PLXNB2: variants seen among roughly 807,000 people sequenced by gnomAD.
PLXNB2 encodes plexin-B2.
A neutral mutation model predicts 202.6 loss-of-function variants in PLXNB2; 85 were observed. The ratio of observed to expected loss-of-function variants is 0.42; its 90% confidence interval spans 0.35 to 0.50. The LOEUF (loss-of-function observed/expected upper bound fraction) is 0.50, where lower values mean the gene tolerates loss of function less well. PLXNB2 is among the 20% of genes least tolerant of loss of function. The probability of loss-of-function intolerance (pLI) is 0.02; values close to 1 mark genes in which losing one functional copy is unlikely to be tolerated. For missense variants in PLXNB2, 2,063 were observed against 2,586.2 expected, an observed-to-expected ratio of 0.80 and a Z score of 4.39; for synonymous variants, 1,239 against 1,137.6, an observed-to-expected ratio of 1.09 and a Z score of -1.79.
chr22:50,300,992 C>A (rs1190624304), intron 1 of PLXNB2, among the ~76,000 whole-genome samples: 1 of 152,222 alleles, frequency 6.6e-6, no homozygotes. Flanking sequence ...GCCCCAGCCC[C>A]CTCTCCGCCT....
chr22:50,277,084 A>T (rs1452434027), intron 33 of PLXNB2, among the ~76,000 whole-genome samples, 178 bp from the exon 34 acceptor site: 10 of 152,162 alleles, frequency 6.6e-5, no homozygotes, highest in Non-Finnish European at 1.2e-4. Context: ...AGGCAGGCAG[A>T]TCACCTGAGG....
chr22:50,277,206 C>T (rs543720551), intron 33 of PLXNB2, among the ~76,000 whole-genome samples: 3 of 151,352 alleles, frequency 2.0e-5, no homozygotes, highest in East Asian at 3.9e-4. Context: ...GAGGCAGCGG[C>T]GGGAAAATCG....
chr22:50,303,196 T>C (rs534569514), intron 1 of PLXNB2, among the ~76,000 whole-genome samples: 1 of 152,180 alleles, frequency 6.6e-6, no homozygotes, highest in South Asian at 2.1e-4. Flanking sequence ...AGACCCCAGC[T>C]GAGGACAGAG....
chr22:50,301,722 G>A (rs2067701618), intron 1 of PLXNB2, among the ~76,000 whole-genome samples: 1 of 152,224 alleles, frequency 6.6e-6, no homozygotes. Context: ...CCCCGGGGTG[G>A]GCGTTGGGGG....
intron 33 of PLXNB2, 82 bp downstream of exon 33, chr22:50,277,509 C>G: frequency 7.3e-7 from 1 of 1,364,894 alleles, no homozygotes; most frequent in Middle Eastern, 2.1e-4. Flanking sequence ...ATCCACACCC[C>G]AGACAAGGTC....
rs1274520275 is a variant in PLXNB2 at position 50,284,209 on chromosome 22, G to A, written c.2186C>T (p.Ser729Phe). 6.2e-7 allele frequency: 1 copy of A among 1,612,678 alleles called. No homozygotes were observed. Among genetic ancestry groups the A allele is most frequent in the East Asian group, 2.2e-5 (1 of 44,874 alleles). ...GTFAFRTPKL[S>F]HDANETLPLH... is the part of the protein sequence containing the mutation. The stretch of plus-strand genomic sequence containing the variant: ...GGGCAGCGTCTCGTTGGCATCGTGG[G>A]ACAGCTGGGGGACACGCAGGGGCAC... Residue 729 changes from serine (S) to phenylalanine (F), a missense_variant, in exon 13 of 37, where the codon TCC becomes TTC. Physicochemically the swap from Ser to Phe is radical, Grantham distance 155. Around this residue, in one of 2 missense-constraint regions of PLXNB2, gnomAD observed 1,303 missense variants for 1,476.8 expected, o/e 0.88. Coordinates refer to ENST00000359337, the MANE Select transcript of PLXNB2 (RefSeq NM_012401.4). The surrounding 1 kb of genome is among the most constrained non-coding windows in gnomAD (Gnocchi z 8.0).
At position 50,286,052 on chromosome 22, in the gene PLXNB2, G is replaced by GC; in HGVS notation, c.1923dup (p.Arg642AlafsTer13). 1.2e-6 allele frequency: 2 copies of GC among 1,612,346 alleles called. No individual in the cohort carries two copies. The highest frequency in any genetic ancestry group is 1.7e-6 in the Non-Finnish European group (2 of 1,179,966). On this transcript the variant is annotated frameshift_variant, in exon 10 of 37. Coordinates refer to ENST00000359337, the MANE Select transcript of PLXNB2 (RefSeq NM_012401.4). LOFTEE classifies it high-confidence loss of function. ...GAAGCCTCCCGGCACTCGTGGTAGCGCAGGTCCCACTGGCAGGTCCAGCGG... is the reference window on the plus strand; with the variant it reads ...GAAGCCTCCCGGCACTCGTGGTAGCGCCAGGTCCCACTGGCAGGTCCAGCGG...
Position 50,278,969 on chromosome 22 carries a change from G to A in PLXNB2, c.4432C>T (p.Pro1478Ser). 1 of 1,613,574 alleles carries A rather than the reference G, an allele frequency of 6.2e-7. No homozygotes were observed. Among genetic ancestry groups the A allele is most frequent in the Non-Finnish European group, 8.5e-7 (1 of 1,179,802 alleles). Reference protein sequence around the residue: ...IVQDEGVDAIPVKVLNCDTIS... With the variant: ...IVQDEGVDAISVKVLNCDTIS... ...GTGTCACAGTTGAGGACCTTCACCGGGATGGCGTCCACTCCCTCGTCCTGC... is the reference window on the plus strand; with the variant it reads ...GTGTCACAGTTGAGGACCTTCACCGAGATGGCGTCCACTCCCTCGTCCTGC... Residue 1478 changes from proline (P) to serine (S), a missense_variant, in exon 28 of 37, where the codon CCG (proline) becomes TCG (serine). Physicochemically the swap from Pro to Ser is moderately conservative, Grantham distance 74. Transcript: ENST00000359337.
rs147264558 is a variant in PLXNB2 at position 50,291,890 on chromosome 22, T to C, written c.-13-1293A>G. On this transcript the variant is annotated intron_variant, in intron 2 of 36. Transcript: ENST00000359337. The surrounding 1 kb of genome is among the most constrained non-coding windows in gnomAD (Gnocchi z 4.3). ...GGGGTCCAGACTCGATGGCAGAGGG[T>C]TACGAGGGATGGAGGCCCTGGCCTC... 0.017 allele frequency among the ~76,000 whole-genome samples: 2,560 copies of C among 152,028 alleles called. 33 individuals are homozygous for C. Among genetic ancestry groups the C allele is most frequent in the Non-Finnish European group, 0.024 (1,643 of 67,942 alleles).
chr22:50,306,745 C>T (rs1335803149), intron 1 of PLXNB2, among the ~76,000 whole-genome samples: 1 of 151,978 alleles, frequency 6.6e-6, no homozygotes, highest in Middle Eastern at 3.2e-3. Context: ...CCTGTCCTGA[C>T]TCTGCCACAG....
In PLXNB2 at chr22:50,284,292, C is replaced by G; in HGVS notation, c.2182-79G>C. On this transcript the variant is annotated intron_variant, in intron 12 of 36. Transcript: ENST00000359337. The surrounding 1 kb of genome is among the most constrained non-coding windows in gnomAD (Gnocchi z 8.0). ...GGCGGGGGTCACAAGGGCAGCCTCCCTGTGGCCACCGGGTCCCTTCCCAGC... is the reference window on the plus strand; with the variant it reads ...GGCGGGGGTCACAAGGGCAGCCTCCGTGTGGCCACCGGGTCCCTTCCCAGC... 7.4e-7 allele frequency: 1 copy of G among 1,343,764 alleles called. No homozygotes were observed. The highest frequency in any genetic ancestry group is 1.1e-6 in the Non-Finnish European group (1 of 941,250). The allele number at this position is 1,343,764 out of a possible 1,614,324, so 83.2% of individuals were successfully genotyped here.
chr22:50,278,018 G>T lies in PLXNB2; in HGVS notation c.4888-5C>A, dbSNP rs372462522. The T allele has an allele frequency of 3.0e-4, 476 of 1,607,212 alleles. 1 individual carries two copies. Among genetic ancestry groups the T allele is most frequent in the Non-Finnish European group, 3.5e-4 (416 of 1,176,254 alleles). On this transcript the variant is annotated splice_region_variant and splice_polypyrimidine_tract_variant and intron_variant, in intron 31 of 36. Transcript: ENST00000359337. ...CACAAACTGCTGCAGTGTGCCCTGT[G>T]GGGGGGAGGGTCTCAGCGTGACGCC...
Position 50,282,876 on chromosome 22 carries a change from T to C in PLXNB2, c.2822A>G (p.Lys941Arg). The part of the protein sequence containing the change: ...TLNGVPCKVT[K>R]FGAQLQCVTG... The stretch of plus-strand genomic sequence containing the variant: ...GACACACTGGAGCTGCGCCCCAAAC[T>C]TCGTCCTGGGGGAGGGAGGGTGCTG... The change falls in exon 18 of 37, where the codon AAG becomes AGG. Residue 941 changes from lysine to arginine, a missense_variant. Physicochemically the swap from Lys to Arg is conservative, Grantham distance 26. Coordinates refer to ENST00000359337, the MANE Select transcript of PLXNB2 (RefSeq NM_012401.4). 1.9e-6 allele frequency: 3 copies of C among 1,608,290 alleles called. No individual in the cohort carries two copies. Among genetic ancestry groups the C allele is most frequent in the Non-Finnish European group, 2.5e-6 (3 of 1,176,650 alleles).
In PLXNB2 at chr22:50,277,557, C is replaced by T. The variant is rs768008555; in HGVS notation, c.5196+34G>A. On this transcript the variant is annotated intron_variant, in intron 33 of 36. Coordinates refer to ENST00000359337, the MANE Select transcript of PLXNB2 (RefSeq NM_012401.4). ...ATGCCTCCTGGGGACAGACCCAGGCCTCCCTGCCCCAGACCTGCCCCCACC... is the reference window on the plus strand; with the variant it reads ...ATGCCTCCTGGGGACAGACCCAGGCTTCCCTGCCCCAGACCTGCCCCCACC... The T allele has an allele frequency of 7.2e-6, 11 of 1,530,488 alleles. No individual in the cohort carries two copies. The Admixed American group carries it at 1.4e-4, about 20-fold the overall frequency. 94.8% of individuals were successfully genotyped at this position (1,530,488 alleles called of 1,614,324 possible).
rs1000660318 is a variant in PLXNB2, at chr22:50,297,394, C to T, written c.-73-2616G>A. ...ATCGATCCACTCAGGAAGCCAGAGG[C>T]AAGACCCATACTCCACTCTCCTGGA... On this transcript the variant is annotated intron_variant, in intron 1 of 36. Coordinates refer to ENST00000359337, the MANE Select transcript of PLXNB2 (RefSeq NM_012401.4). This position sits in a 1 kb window ranked among gnomAD's most constrained non-coding sequence, Gnocchi z 5.3. Among the ~76,000 whole-genome samples the T allele has an allele frequency of 6.6e-6, 1 of 152,206 alleles. No individual in the cohort carries two copies. Among genetic ancestry groups the T allele is most frequent in the African/African-American group, 2.4e-5 (1 of 41,438 alleles).
At position 50,287,776 on chromosome 22, in the gene PLXNB2, T is replaced by C; in HGVS notation, c.1499A>G (p.Glu500Gly). The part of the protein sequence containing the change: ...VVEGRCTRKA[E>G]CPRAEEASHW... ...GCTGGCCTCCTCGGCCCGCGGACAC[T>C]CGGCCTTCCGGGTGCATCTGCAGGC... The change falls in exon 7 of 37, where the codon GAG becomes GGG. Residue 500 changes from glutamate (E) to glycine (G), a missense_variant. Physicochemically the swap from Glu to Gly is moderately conservative, Grantham distance 98 (BLOSUM62 -2). Coordinates refer to ENST00000359337, the MANE Select transcript of PLXNB2 (RefSeq NM_012401.4). 6.3e-7 allele frequency: 1 copy of C among 1,585,888 alleles called. No homozygotes were observed. The highest frequency in any genetic ancestry group is 2.3e-5 in the East Asian group (1 of 43,998).
At chr22:50,300,612 T>C (rs1393806237) in intron 1 of PLXNB2, among the ~76,000 whole-genome samples, 6 of 152,190 alleles carry the variant, frequency 3.9e-5, no homozygotes, top group Non-Finnish European at 8.8e-5. Context: ...CGCTTCAGCG[T>C]CTACAGCGGT....
At chr22:50,301,316 G>T in intron 1 of PLXNB2, 3 of 835,074 alleles carry the variant, frequency 3.6e-6, no homozygotes, top group African/African-American at 1.8e-5. Context: ...GGTCCTTCGG[G>T]TCAGAAAGCT....
Position 50,289,979 on chromosome 22 carries a change from G to A in PLXNB2, c.606C>T (p.Asp202=). The A allele has an allele frequency of 6.2e-7, 1 of 1,613,366 alleles. No homozygotes were observed. The highest frequency in any genetic ancestry group is 8.5e-7 in the Non-Finnish European group (1 of 1,180,024). The stretch of plus-strand genomic sequence containing the variant: ...GGTAGCCGGCCTTGTAGGTGGCGTG[G>A]TCCGTGTAGGCTTCAAAGGCCTCCC... ...DSREAFEAYT[D]HATYKAGYLS... The change falls in exon 3 of 37, where the codon GAC becomes GAT. Residue 202 remains aspartate, a synonymous_variant. Transcript: ENST00000359337. The surrounding 1 kb of genome is among the most constrained non-coding windows in gnomAD (Gnocchi z 8.0).
Sources: allele counts gnomAD v4.1 joint callset (sites outside exome capture counted in the v4.1 genomes callset), GRCh38; gene constraint gnomAD v4.1.1; regional missense constraint gnomAD v4.1.1; non-coding constraint Gnocchi (gnomAD v3.1); transcripts MANE v1.5; gene names NCBI Gene and HGNC (gene_info 2026-07-23, HGNC 2026-07-21).